Variants in LRRC40 observed in about 807,000 individuals in gnomAD.
LRRC40 encodes the protein leucine-rich repeat-containing protein 40.
LRRC40 carries 76 observed loss-of-function variants against 72.8 expected under a neutral mutation model. The ratio of observed to expected loss-of-function variants is 1.04; its 90% CI spans 0.87 to 1.26. LRRC40 has a LOEUF of 1.26. Ranked by LOEUF, LRRC40 falls within the 50% of genes most tolerant of loss-of-function variation. LRRC40 has a pLI of 0.00. For synonymous variants in LRRC40, 243 were observed against 254.2 expected (o/e 0.96, Z 0.42); for missense variants, 684 against 698.9 (o/e 0.98, Z 0.24).
At chr1:70,158,372 T>G (rs1667687004) in intron 10 of LRRC40, among the ~76,000 whole-genome samples, 1 of 150,820 alleles carries the variant, frequency 6.6e-6, no homozygotes, top group Non-Finnish European at 1.5e-5. Context: ...CTGTGTAGAT[T>G]CTTGAATAAA....
At chr1:70,193,249 A>G (rs1031293157) in intron 1 of LRRC40, among the ~76,000 whole-genome samples, 5 of 152,104 alleles carry the variant, frequency 3.3e-5, no homozygotes, top group African/African-American at 7.2e-5. Flanking sequence ...TTAGCTAGAC[A>G]GATGAAGAAA....
chr1:70,194,393 T>A (rs1668564624), intron 1 of LRRC40, among the ~76,000 whole-genome samples: 1 of 152,114 alleles, frequency 6.6e-6, no homozygotes, highest in South Asian at 2.1e-4. Context: ...ATGTACAAGA[T>A]CTGTATATGA....
chr1:70,177,050 C>T (rs925086265), intron 6 of LRRC40, among the ~76,000 whole-genome samples: 1 of 152,070 alleles, frequency 6.6e-6, no homozygotes, highest in Non-Finnish European at 1.5e-5. Flanking sequence ...TGGAGACAGG[C>T]GGATCACCTG....
intron 1 of LRRC40, among the ~76,000 whole-genome samples, chr1:70,193,114 GAATT>G (rs1446261602): frequency 5.3e-5 from 8 of 151,448 alleles, no homozygotes; most frequent in African/African-American, 1.9e-4. Flanking sequence ...CCAGAAAAAA[GAATT>G]AATTAAATCC....
intron 2 of LRRC40, among the ~76,000 whole-genome samples, chr1:70,187,889 G>C (rs184267509): frequency 7.2e-6 from 1 of 139,786 alleles, no homozygotes; most frequent in East Asian, 2.0e-4. Context: ...GAAGAGAAGA[G>C]AAGAGAAGTC....
In LRRC40 at chr1:70,187,483, T is replaced by C. The variant is rs143998832; in HGVS notation, c.334-145A>G. 1.6e-3 allele frequency: 841 copies of C among 531,224 alleles called. 4 individuals carry two copies. The highest frequency in any genetic ancestry group is 0.015 in the African/African-American group (749 of 50,452). The allele number at this position is 531,224 out of a possible 1,614,324, so 32.9% of individuals were successfully genotyped here. ...AAGTTGAACTACTGTTCAACATACTTGTTCTGTATGTAGAACAGTTTGAAG... is the reference window on the plus strand; with the variant it reads ...AAGTTGAACTACTGTTCAACATACTCGTTCTGTATGTAGAACAGTTTGAAG... On this transcript the variant is annotated intron_variant, in intron 2 of 14. Transcript: ENST00000370952.
chr1:70,158,097 C>A (rs1667679399), intron 10 of LRRC40, among the ~76,000 whole-genome samples: 1 of 84,766 alleles, frequency 1.2e-5, no homozygotes, highest in Non-Finnish European at 2.1e-5. Flanking sequence ...AAGACCCTGC[C>A]TCAAAAAAAA....
intron 9 of LRRC40, among the ~76,000 whole-genome samples, chr1:70,170,964 A>C (rs1440323306): frequency 6.6e-6 from 1 of 152,178 alleles, no homozygotes; most frequent in African/African-American, 2.4e-5. Flanking sequence ...ACTTACTACA[A>C]AACAATGGTA....
At position 70,173,512 on chromosome 1, in the gene LRRC40, T is replaced by A. The variant is rs537181001; in HGVS notation, c.1066-2A>T. 1.1e-5 allele frequency: 18 copies of A among 1,607,074 alleles called. No homozygotes were observed. The South Asian group carries it at 1.9e-4, about 17-fold the overall frequency. On this transcript the variant is annotated splice_acceptor_variant, in intron 8 of 14. Coordinates refer to ENST00000370952, the MANE Select transcript of LRRC40 (RefSeq NM_017768.5). LOFTEE classifies it high-confidence loss of function. ...TTTTAGGACTTCTTGTGTTCCTTTC[T>A]AGAAGGGTGGAGACAAAGACATTCA...
intron 1 of LRRC40, among the ~76,000 whole-genome samples, chr1:70,199,083 G>A (rs1038898436): frequency 7.2e-5 from 11 of 152,088 alleles, no homozygotes; most frequent in Non-Finnish European, 1.5e-4. Flanking sequence ...AGATAAGGAA[G>A]TCAAGGCTGC....
intron 5 of LRRC40, among the ~76,000 whole-genome samples, chr1:70,179,830 G>T (rs2100303695): frequency 6.6e-6 from 1 of 151,856 alleles, no homozygotes; most frequent in African/African-American, 2.4e-5. Context: ...CTTAACTATT[G>T]GTATCCCAGG....
chr1:70,180,013 C>G (rs1488651963), intron 5 of LRRC40: 2 of 148,110 alleles, frequency 1.4e-5, no homozygotes, highest in East Asian at 2.0e-4. Context: ...ACTTGCCAAA[C>G]AAAAGGGAGG....
chr1:70,151,270 T>A (rs995859058), intron 12 of LRRC40, 65 bp from the exon 13 acceptor site: 1 of 752,900 alleles, frequency 1.3e-6, no homozygotes, highest in African/African-American at 1.8e-5. Context: ...TAATTTATAA[T>A]TAAAATATTG....
intron 5 of LRRC40, among the ~76,000 whole-genome samples, chr1:70,180,767 C>T (rs528046464): frequency 3.9e-5 from 6 of 152,168 alleles, no homozygotes; most frequent in African/African-American, 1.4e-4. Flanking sequence ...GGTAGATTCA[C>T]CAGTAAGAGG....
chr1:70,196,032 G>A (rs1201140261), intron 1 of LRRC40, among the ~76,000 whole-genome samples: 1 of 151,658 alleles, frequency 6.6e-6, no homozygotes, highest in East Asian at 1.9e-4. Context: ...GAGGCACAGA[G>A]ATCCATCATC....
intron 4 of LRRC40, among the ~76,000 whole-genome samples, chr1:70,181,961 A>G (rs116192649): frequency 6.6e-6 from 1 of 152,054 alleles, no homozygotes; most frequent in South Asian, 2.1e-4. Flanking sequence ...ACATAACAGC[A>G]AAGTGTTAAG....
rs565022599 is a variant in LRRC40 at position 70,205,533 on chromosome 1, C to T, written c.8G>A (p.Arg3His). ...ATCCTGCCCCGCTATCCGCTTCAGG[C>T]GCGACATGTTCAAAGTCCTAGGTCC... The part of the protein sequence containing the change: MS[R>H]LKRIAGQDLR... The change falls in exon 1 of 15, where the codon CGC (arginine) becomes CAC (histidine). Residue 3 changes from arginine to histidine, a missense_variant. Physicochemically the swap from Arg to His is conservative, Grantham distance 29. Coordinates refer to ENST00000370952, the MANE Select transcript of LRRC40 (RefSeq NM_017768.5). 6.2e-4 allele frequency: 995 copies of T among 1,595,020 alleles called. 20 individuals carry two copies. The South Asian group carries it at 0.011, about 17-fold the overall frequency.
At chr1:70,187,747 C>T (rs1291187417) in intron 2 of LRRC40, among the ~76,000 whole-genome samples, 1 of 152,014 alleles carries the variant, frequency 6.6e-6, no homozygotes, top group Middle Eastern at 3.2e-3. Flanking sequence ...GGGAAGATTG[C>T]TTGAGCCTAG....
chr1:70,174,004 G>A (rs908816531), intron 7 of LRRC40, among the ~76,000 whole-genome samples: 1 of 151,978 alleles, frequency 6.6e-6, no homozygotes, highest in African/African-American at 2.4e-5. Flanking sequence ...AAATTTGAAT[G>A]AATCAGTGAT....
Sources: allele counts gnomAD v4.1 joint callset (sites outside exome capture counted in the v4.1 genomes callset), GRCh38; gene constraint gnomAD v4.1.1; transcripts MANE v1.5; gene names NCBI Gene and HGNC (gene_info 2026-07-23, HGNC 2026-07-21).